DSCAM: variants seen among roughly 807,000 people sequenced by gnomAD.
The protein encoded by DSCAM is cell adhesion molecule DSCAM.
Under a neutral mutation model 217.7 loss-of-function variants are expected in DSCAM, and 47 were observed. The observed-to-expected ratio is 0.22, with a 90% CI of 0.17 to 0.28. The LOEUF is 0.28. Among genes scored for constraint, DSCAM ranks in the 10% least tolerant of loss-of-function variants. DSCAM has a pLI of 1.00. For missense variants in DSCAM, 2,080 were observed against 2,618.3 expected (o/e 0.79, Z 4.49); for synonymous variants, 1,056 against 1,015.3 (o/e 1.04, Z -0.76).
intron 20 of DSCAM, among the ~76,000 whole-genome samples, chr21:40,122,117 C>T (rs768113299): frequency 6.6e-6 from 1 of 152,156 alleles, no homozygotes; most frequent in Admixed American, 6.5e-5. Flanking sequence ...TCTAACAACA[C>T]CTGTGTGACT....
intron 11 of DSCAM, among the ~76,000 whole-genome samples, chr21:40,260,810 T>C (rs1218346511): frequency 6.6e-6 from 1 of 152,180 alleles, no homozygotes; most frequent in African/African-American, 2.4e-5. Context: ...CTATGTATTG[T>C]CTTCTGCATC....
chr21:40,256,055 G>A (rs1430281606), intron 11 of DSCAM, among the ~76,000 whole-genome samples: 2 of 152,156 alleles, frequency 1.3e-5, no homozygotes, highest in African/African-American at 2.4e-5. Context: ...AGTTTGTAAT[G>A]GCAACTTGAG....
intron 20 of DSCAM, among the ~76,000 whole-genome samples, chr21:40,122,139 A>G (rs1601352832): frequency 6.6e-6 from 1 of 152,102 alleles, no homozygotes; most frequent in African/African-American, 2.4e-5. Context: ...TGTTTTCAGG[A>G]TAGGATGTTT....
chr21:40,759,755 C>T (rs2091312280), intron 1 of DSCAM, among the ~76,000 whole-genome samples: 1 of 152,104 alleles, frequency 6.6e-6, no homozygotes, highest in Non-Finnish European at 1.5e-5. Flanking sequence ...CATGAGCCTG[C>T]CCCTGGCAGC....
intron 3 of DSCAM, among the ~76,000 whole-genome samples, chr21:40,573,686 A>G (rs906509914): frequency 2.6e-5 from 4 of 152,024 alleles, no homozygotes; most frequent in African/African-American, 4.8e-5. Context: ...AAAACACATA[A>G]AAGAAAATTA....
chr21:40,273,841 G>T (rs1039837386), intron 11 of DSCAM, among the ~76,000 whole-genome samples: 1 of 152,142 alleles, frequency 6.6e-6, no homozygotes, highest in Non-Finnish European at 1.5e-5. Context: ...GCTCTCTGGG[G>T]TCCCTTCGAT....
At chr21:40,717,741 T>C (rs1023221951) in intron 1 of DSCAM, among the ~76,000 whole-genome samples, 1 of 152,244 alleles carries the variant, frequency 6.6e-6, no homozygotes, top group Non-Finnish European at 1.5e-5. Flanking sequence ...GCACCTTATC[T>C]GTGAATATAC....
intron 3 of DSCAM, among the ~76,000 whole-genome samples, chr21:40,556,617 C>A (rs1293045726): frequency 6.6e-6 from 1 of 151,966 alleles, no homozygotes; most frequent in Non-Finnish European, 1.5e-5. Flanking sequence ...CAAAGGGGAA[C>A]CAACTGTGTG....
chr21:40,039,049 G>T (rs1278881069), intron 32 of DSCAM, among the ~76,000 whole-genome samples: 1 of 150,994 alleles, frequency 6.6e-6, no homozygotes, highest in Non-Finnish European at 1.5e-5. Context: ...GATAGCACTG[G>T]GAGATATACC....
At chr21:40,590,032 T>C (rs2076972835) in intron 3 of DSCAM, among the ~76,000 whole-genome samples, 1 of 152,210 alleles carries the variant, frequency 6.6e-6, no homozygotes, top group Non-Finnish European at 1.5e-5. Context: ...TGGTAGATAT[T>C]GTGTCTTCAA....
At chr21:40,828,890 T>C (rs1358606812) in intron 1 of DSCAM, among the ~76,000 whole-genome samples, 1 of 152,166 alleles carries the variant, frequency 6.6e-6, no homozygotes, top group Non-Finnish European at 1.5e-5. Context: ...ACTCCTGACC[T>C]CAGGTGATCC....
At position 40,013,336 on chromosome 21, in the gene DSCAM, G is replaced by A. The variant is rs562764002; in HGVS notation, c.5737C>T (p.Arg1913Ter). 1 of 1,602,940 alleles carries A rather than the reference G, an allele frequency of 6.2e-7. No individual in the cohort carries two copies. Among genetic ancestry groups the A allele is most frequent in the Non-Finnish European group, 8.5e-7 (1 of 1,175,600 alleles). Residue 1913 changes from arginine (R) to a stop codon, truncating the protein, a stop_gained, in exon 33 of 33, where the codon CGA (arginine) becomes TGA (stop). Coordinates refer to ENST00000400454, the MANE Select transcript of DSCAM (RefSeq NM_001389.5). LOFTEE classifies it high-confidence loss of function. ...PYLRMDFLLN[R>*]GGPGTSRDLS... is the part of the protein sequence containing the mutation. ...TCCCTGCTGGTGCCTGGACCACCTC[G>A]GTTTAACAAAAAGTCCATTCTAAGG...
intron 11 of DSCAM, among the ~76,000 whole-genome samples, chr21:40,250,289 G>C (rs79962071): frequency 0.013 from 1,976 of 152,186 alleles, 55 homozygotes; most frequent in African/African-American, 0.046. Flanking sequence ...AGGAATTTTG[G>C]TGTTTTTTAA....
intron 1 of DSCAM, among the ~76,000 whole-genome samples, chr21:40,760,106 G>T (rs536106413): frequency 6.6e-6 from 1 of 152,034 alleles, no homozygotes; most frequent in East Asian, 1.9e-4. Flanking sequence ...CAACTCTTCA[G>T]CCTCAGCCTC....
chr21:40,517,432 CACACAG>C (rs1465926627), intron 3 of DSCAM, among the ~76,000 whole-genome samples: 7 of 151,408 alleles, frequency 4.6e-5, no homozygotes, highest in Middle Eastern at 6.9e-3. Flanking sequence ...CACACACACA[CACACAG>C]ACACGCATAT....
At chr21:40,184,628 C>T (rs1205889987) in intron 14 of DSCAM, among the ~76,000 whole-genome samples, 1 of 152,164 alleles carries the variant, frequency 6.6e-6, no homozygotes, top group Non-Finnish European at 1.5e-5. Context: ...AAACCATGAT[C>T]AATTTATACA....
chr21:40,132,958 C>A (rs1333256168), intron 19 of DSCAM, among the ~76,000 whole-genome samples: 1 of 152,176 alleles, frequency 6.6e-6, no homozygotes, highest in African/African-American at 2.4e-5. Flanking sequence ...GCTTGGGGAA[C>A]AGAGTCCCGG....
rs761123648 is a variant in DSCAM at position 40,078,937 on chromosome 21, G to A, written c.4461C>T (p.Ile1487=). ...FSKEQELFAS[I]NTTRVRLNLI... ...GGTTCAGCCTCACGCGTGTGGTGTT[G>A]ATGCTGGCAAACAGCTCCTGCTCCT... The change falls in exon 26 of 33, where the codon ATC becomes ATT. Residue 1487 remains isoleucine (I), a synonymous_variant. Transcript: ENST00000400454. 2 of 1,614,208 alleles carry A rather than the reference G, an allele frequency of 1.2e-6. No individual in the cohort carries two copies. The highest frequency in any genetic ancestry group is 1.7e-6 in the Non-Finnish European group (2 of 1,180,024).
At chr21:40,060,435 G>C (rs1407854628) in intron 28 of DSCAM, among the ~76,000 whole-genome samples, 1 of 152,192 alleles carries the variant, frequency 6.6e-6, no homozygotes. Context: ...CTGGACAAAG[G>C]CATGATTTAC....
Sources: allele counts gnomAD v4.1 joint callset (sites outside exome capture counted in the v4.1 genomes callset), GRCh38; gene constraint gnomAD v4.1.1; transcripts MANE v1.5; gene names NCBI Gene and HGNC (gene_info 2026-07-23, HGNC 2026-07-21).